The following TACR3 variants were observed in gnomAD, a reference collection of about 807,000 sequenced individuals.
The protein encoded by TACR3 is tachykinin receptor 3, also known as neuromedin-K receptor.
Under a neutral mutation model 35.0 loss-of-function variants are expected in TACR3, and 34 were observed. The ratio of observed to expected loss-of-function variants is 0.97; its 90% CI spans 0.74 to 1.30. The LOEUF is 1.30. TACR3 is among the 50% of genes most tolerant of loss of function. The pLI, the probability that TACR3 is intolerant of heterozygous loss-of-function variation, is 0.00. For missense variants in TACR3, 558 were observed against 591.7 expected (o/e 0.94, Z 0.59); for synonymous variants, 233 against 221.1 (o/e 1.05, Z -0.48).
At chr4:103,695,745 A>C (rs1366731956) in intron 1 of TACR3, among the ~76,000 whole-genome samples, 1 of 140,794 alleles carries the variant, frequency 7.1e-6, no homozygotes, top group Admixed American at 7.0e-5. Context: ...GTGTGTGTGT[A>C]AAGTTTACTT....
At chr4:103,639,546 C>G (rs1157076244) in intron 3 of TACR3, among the ~76,000 whole-genome samples, 1 of 151,872 alleles carries the variant, frequency 6.6e-6, no homozygotes, top group Non-Finnish European at 1.5e-5. Flanking sequence ...ACATATGTAA[C>G]AAACCTGCAC....
intron 1 of TACR3, among the ~76,000 whole-genome samples, chr4:103,685,740 AATTAACT>A (rs1722213219): frequency 6.6e-6 from 1 of 152,168 alleles, no homozygotes; most frequent in Non-Finnish European, 1.5e-5. Flanking sequence ...AAATAATCAA[AATTAACT>A]ATTGAAAGTC....
intron 1 of TACR3, among the ~76,000 whole-genome samples, chr4:103,686,473 C>T (rs910644889): frequency 6.6e-6 from 1 of 151,994 alleles, no homozygotes; most frequent in Non-Finnish European, 1.5e-5. Context: ...AACTGTCAAA[C>T]AAACACTCCA....
intron 1 of TACR3, among the ~76,000 whole-genome samples, chr4:103,668,685 T>C (rs982549748): frequency 1.3e-5 from 2 of 151,764 alleles, no homozygotes; most frequent in African/African-American, 2.4e-5. Flanking sequence ...CCGTCTCTAC[T>C]AAAAATACAA....
At chr4:103,650,651 TATAAATATATATAA>T (rs1223755579) in intron 3 of TACR3, among the ~76,000 whole-genome samples, 1 of 52,572 alleles carries the variant, frequency 1.9e-5, no homozygotes, top group Non-Finnish European at 3.0e-5. Context: ...ATTTAATATA[TATAAATATATATAA>T]ATAAATATAT....
At chr4:103,618,726 G>A (rs1724713547) in intron 3 of TACR3, among the ~76,000 whole-genome samples, 1 of 151,938 alleles carries the variant, frequency 6.6e-6, no homozygotes, top group South Asian at 2.1e-4. Context: ...TCCAATCCAT[G>A]AGCATGAGAT....
At chr4:103,683,374 G>A (rs1722144790) in intron 1 of TACR3, among the ~76,000 whole-genome samples, 1 of 143,862 alleles carries the variant, frequency 7.0e-6, no homozygotes, top group Non-Finnish European at 1.5e-5. Flanking sequence ...ATCAATACAA[G>A]TCAAAGTGAA....
intron 1 of TACR3, among the ~76,000 whole-genome samples, chr4:103,689,591 C>T (rs1286176200): frequency 6.6e-6 from 1 of 151,862 alleles, no homozygotes; most frequent in Non-Finnish European, 1.5e-5. Flanking sequence ...CAGAAGAAAG[C>T]ATCAAGGAAT....
chr4:103,664,247 T>A (rs1725890264), intron 1 of TACR3, among the ~76,000 whole-genome samples: 1 of 152,228 alleles, frequency 6.6e-6, no homozygotes, highest in South Asian at 2.1e-4. Context: ...TTTTCTGATA[T>A]AATTGAGGTG....
intron 1 of TACR3, among the ~76,000 whole-genome samples, chr4:103,710,358 CA>C (rs1722914145): frequency 6.6e-6 from 1 of 152,172 alleles, no homozygotes; most frequent in Non-Finnish European, 1.5e-5. Context: ...GAAACTCACT[CA>C]AAACTGCTCA....
chr4:103,641,944 G>A (rs1257845349), intron 3 of TACR3, among the ~76,000 whole-genome samples: 2 of 151,856 alleles, frequency 1.3e-5, no homozygotes, highest in Non-Finnish European at 2.9e-5. Context: ...TAGAAGTAGA[G>A]AGTAGAATGG....
At chr4:103,626,868 C>G (rs1248190815) in intron 3 of TACR3, among the ~76,000 whole-genome samples, 1 of 151,746 alleles carries the variant, frequency 6.6e-6, no homozygotes. Context: ...CCAAAGGTCC[C>G]TATGTATTGT....
chr4:103,590,118 C>T, intron 4 of TACR3, 124 bp from the exon 5 acceptor site: 6 of 1,160,788 alleles, frequency 5.2e-6, no homozygotes, highest in South Asian at 1.3e-5. Context: ...GGTTTTTAGC[C>T]AGACTCTTAG....
intron 3 of TACR3, among the ~76,000 whole-genome samples, chr4:103,655,778 T>C (rs563318438): frequency 1.3e-5 from 2 of 152,116 alleles, no homozygotes; most frequent in East Asian, 3.9e-4. Flanking sequence ...TAGAAAATTA[T>C]TGCACTTTCT....
At chr4:103,652,538 A>T (rs1272938774) in intron 3 of TACR3, among the ~76,000 whole-genome samples, 1 of 152,094 alleles carries the variant, frequency 6.6e-6, no homozygotes, top group Non-Finnish European at 1.5e-5. Context: ...ATCAGATACC[A>T]TGAGAGCTCT....
intron 3 of TACR3, among the ~76,000 whole-genome samples, chr4:103,619,805 T>G (rs1250626610): frequency 1.3e-5 from 2 of 152,232 alleles, no homozygotes; most frequent in Non-Finnish European, 2.9e-5. Flanking sequence ...TGATTCTGGT[T>G]GTGTGGTGAA....
chr4:103,710,299 C>G (rs1212504675), intron 1 of TACR3, among the ~76,000 whole-genome samples: 1 of 152,154 alleles, frequency 6.6e-6, no homozygotes, highest in Non-Finnish European at 1.5e-5. Context: ...GAAATTATAG[C>G]AAACTGTCTC....
intron 1 of TACR3, among the ~76,000 whole-genome samples, chr4:103,659,479 A>C (rs1204200179): frequency 6.6e-6 from 1 of 152,154 alleles, no homozygotes; most frequent in Non-Finnish European, 1.5e-5. Context: ...TATAAAAGAT[A>C]TGGTCCATAA....
At chr4:103,644,379 T>C (rs1026717148) in intron 3 of TACR3, among the ~76,000 whole-genome samples, 1 of 151,922 alleles carries the variant, frequency 6.6e-6, no homozygotes, top group Admixed American at 6.6e-5. Context: ...GTTTTGTTTT[T>C]AGCTATTTTT....
Sources: gnomAD v4.1 joint callset for allele counts (sites outside exome capture counted in the v4.1 genomes callset) on GRCh38, gnomAD v4.1.1 for gene constraint, MANE v1.5 for transcripts, NCBI Gene and HGNC (gene_info 2026-07-23, HGNC 2026-07-21) for gene names.